Variants in SCHIP1 observed in about 807,000 individuals in gnomAD.
SCHIP1 encodes the protein schwannomin-interacting protein 1.
A neutral mutation model predicts 29.7 loss-of-function variants in SCHIP1; 8 were observed. The observed-to-expected ratio is 0.27, with a 90% CI of 0.16 to 0.49. The LOEUF is 0.49. SCHIP1 is among the 20% of genes least tolerant of loss of function. The pLI is 0.99. For synonymous variants in SCHIP1, 76 were observed against 94.9 expected, an observed-to-expected ratio of 0.80 and a Z score of 1.16; for missense variants, 193 against 294.6, an observed-to-expected ratio of 0.66 and a Z score of 2.52.
At chr3:159,731,596 A>G in the SCHIP1 span, among the ~76,000 whole-genome samples, 1 of 152,294 alleles carries the variant, frequency 6.6e-6, no homozygotes, top group Non-Finnish European at 1.5e-5. Flanking sequence ...ACAACAATCC[A>G]AATCTCACAC....
the SCHIP1 span, among the ~76,000 whole-genome samples, chr3:159,301,672 T>G: frequency 3.9e-5 from 6 of 152,162 alleles, no homozygotes; most frequent in African/African-American, 1.4e-4. Context: ...TTTAAAAGTG[T>G]GGCACTTCCC....
the SCHIP1 span, among the ~76,000 whole-genome samples, chr3:159,425,328 A>T: frequency 2.6e-5 from 4 of 151,692 alleles, no homozygotes; most frequent in African/African-American, 9.7e-5. Flanking sequence ...ATAGGCTCAA[A>T]ATAAAAGGAT....
the SCHIP1 span, among the ~76,000 whole-genome samples, chr3:159,681,607 T>C: frequency 1.3e-5 from 2 of 152,240 alleles, no homozygotes; most frequent in African/African-American, 2.4e-5. Flanking sequence ...TTCAAAATTA[T>C]ATTTTTGTGC....
At chr3:159,432,054 G>C in the SCHIP1 span, among the ~76,000 whole-genome samples, 3 of 152,088 alleles carry the variant, frequency 2.0e-5, no homozygotes, top group African/African-American at 4.8e-5. Context: ...CAGGAACCTA[G>C]AAGTAGCTTG....
chr3:159,350,687 A>G, the SCHIP1 span, among the ~76,000 whole-genome samples: 1 of 152,298 alleles, frequency 6.6e-6, no homozygotes, highest in East Asian at 1.9e-4. Flanking sequence ...ACAAATATAT[A>G]GCAAAATGGT....
At chr3:159,322,168 G>C in the SCHIP1 span, among the ~76,000 whole-genome samples, 1 of 151,980 alleles carries the variant, frequency 6.6e-6, no homozygotes, top group African/African-American at 2.4e-5. Context: ...TCCTAACCTT[G>C]AGTGTGAGAC....
At chr3:159,889,195 G>C (rs1010343465) in intron 5 of SCHIP1, among the ~76,000 whole-genome samples, 4 of 152,144 alleles carry the variant, frequency 2.6e-5, no homozygotes, top group Non-Finnish European at 5.9e-5. Flanking sequence ...CCAGCTCCTA[G>C]CACAGTGCAT....
chr3:159,424,692 G>A, the SCHIP1 span, among the ~76,000 whole-genome samples: 27 of 152,036 alleles, frequency 1.8e-4, no homozygotes, highest in Admixed American at 1.1e-3. Context: ...TACAGAGAAC[G>A]CCACAAAGAT....
chr3:159,668,376 C>CAAAAAAAAAAAAAAAA, the SCHIP1 span, among the ~76,000 whole-genome samples: 22 of 46,414 alleles, frequency 4.7e-4, 2 homozygotes, highest in African/African-American at 1.8e-3. Flanking sequence ...GACTCCGTCT[C>CAAAAAAAAAAAAAAAA]AAAAAAAAAA....
chr3:159,888,932 C>T (rs765247908), exon 5 of SCHIP1: 4 of 1,613,732 alleles, frequency 2.5e-6, no homozygotes, highest in Non-Finnish European at 3.4e-6. Flanking sequence ...GATCTCCATT[C>T]CCAGATAGAA....
the SCHIP1 span, among the ~76,000 whole-genome samples, chr3:159,492,028 C>A: frequency 1.3e-5 from 2 of 152,302 alleles, no homozygotes; most frequent in East Asian, 3.9e-4. Flanking sequence ...AACAGACCTG[C>A]GGCTGAAGGT....
chr3:159,350,957 G>A, the SCHIP1 span, among the ~76,000 whole-genome samples: 2 of 152,076 alleles, frequency 1.3e-5, no homozygotes, highest in South Asian at 4.2e-4. Flanking sequence ...TGTAAACTGT[G>A]CTACTCTCAA....
At chr3:159,664,026 T>C in the SCHIP1 span, among the ~76,000 whole-genome samples, 8 of 152,368 alleles carry the variant, frequency 5.3e-5, no homozygotes, top group Admixed American at 2.6e-4. Flanking sequence ...CTATCTCATA[T>C]TCCTTCATTT....
chr3:159,421,893 A>G, the SCHIP1 span, among the ~76,000 whole-genome samples: 9 of 152,160 alleles, frequency 5.9e-5, no homozygotes, highest in African/African-American at 2.2e-4. Context: ...CAAGAACACA[A>G]TTAAGTCATG....
At chr3:159,313,073 G>C in the SCHIP1 span, among the ~76,000 whole-genome samples, 1 of 152,106 alleles carries the variant, frequency 6.6e-6, no homozygotes, top group Non-Finnish European at 1.5e-5. Flanking sequence ...GTCTCTTGTA[G>C]CTCAGATTAG....
chr3:159,650,043 C>CT, the SCHIP1 span, among the ~76,000 whole-genome samples: 1 of 152,170 alleles, frequency 6.6e-6, no homozygotes, highest in East Asian at 1.9e-4. Context: ...ACAAGCCAGC[C>CT]TCCTAGAGTC....
At chr3:159,367,994 T>C in the SCHIP1 span, among the ~76,000 whole-genome samples, 2 of 152,140 alleles carry the variant, frequency 1.3e-5, no homozygotes, top group Non-Finnish European at 2.9e-5. Context: ...CCTATCTCTA[T>C]TTCTATATTC....
At chr3:159,873,401 G>A (rs188101524) in intron 2 of SCHIP1, among the ~76,000 whole-genome samples, 1 of 152,298 alleles carries the variant, frequency 6.6e-6, no homozygotes, top group Admixed American at 6.5e-5. Flanking sequence ...GTAACATGAG[G>A]GTCTGGGAAG....
At chr3:159,505,609 C>T in the SCHIP1 span, among the ~76,000 whole-genome samples, 1 of 152,198 alleles carries the variant, frequency 6.6e-6, no homozygotes, top group Non-Finnish European at 1.5e-5. Context: ...TCTCCTAATG[C>T]TATCCCCCTG....
Sources: gnomAD v4.1 joint callset for allele counts (sites outside exome capture counted in the v4.1 genomes callset) on GRCh38, gnomAD v4.1.1 for gene constraint, MANE v1.5 for transcripts, NCBI Gene and HGNC (gene_info 2026-07-23, HGNC 2026-07-21) for gene names.